BRAF: variants seen among roughly 807,000 people sequenced by gnomAD.
BRAF encodes the protein B-Raf proto-oncogene, serine/threonine kinase, also known as serine/threonine-protein kinase B-raf.
BRAF carries 16 observed loss-of-function variants against 104.6 expected under a neutral mutation model. The observed-to-expected ratio is 0.15, with a 90% CI of 0.10 to 0.23. BRAF has a LOEUF of 0.23. BRAF is among the 10% of genes least tolerant of loss of function. The pLI is 1.00. For synonymous variants in BRAF, 310 were observed against 341.6 expected (o/e 0.91, Z 1.02); for missense variants, 541 against 937.3 (o/e 0.58, Z 5.52).
intron 1 of BRAF, among the ~76,000 whole-genome samples, chr7:140,899,696 G>C (rs757895804): frequency 2.6e-5 from 4 of 151,792 alleles, no homozygotes; most frequent in Non-Finnish European, 5.9e-5. Flanking sequence ...TTGGTGTTCT[G>C]TCTTTGTCTT....
intron 14 of BRAF, among the ~76,000 whole-genome samples, chr7:140,766,045 C>G (rs1048151382): frequency 6.3e-4 from 95 of 151,896 alleles, no homozygotes; most frequent in African/African-American, 2.2e-3. Flanking sequence ...GACTTGGAAC[C>G]AACCCAAATG....
chr7:140,732,526 C>G (rs1015451027), intron 19 of BRAF: 3 of 151,898 alleles, frequency 2.0e-5, no homozygotes, highest in Non-Finnish European at 1.5e-5. Context: ...TCCGGTGGAC[C>G]TAATTTAAAA....
At chr7:140,893,543 C>T (rs1032901884) in intron 1 of BRAF, among the ~76,000 whole-genome samples, 6 of 152,030 alleles carry the variant, frequency 3.9e-5, no homozygotes, top group African/African-American at 1.2e-4. Context: ...GCCACTGTGC[C>T]CAGCCCCCCA....
chr7:140,905,817 G>A (rs541365428), intron 1 of BRAF, among the ~76,000 whole-genome samples: 37 of 152,048 alleles, frequency 2.4e-4, no homozygotes, highest in African/African-American at 4.1e-4. Flanking sequence ...GGCCGGGCGC[G>A]GTGGCTCACG....
At chr7:140,753,472 G>T in intron 15 of BRAF, 79 bp from the exon 15 acceptor site, 1 of 920,202 alleles carries the variant, frequency 1.1e-6, no homozygotes, top group East Asian at 2.5e-5. Flanking sequence ...TTAGGTAAGA[G>T]ATCTAATTTC....
chr7:140,910,861 C>T (rs1816892373), intron 1 of BRAF, among the ~76,000 whole-genome samples: 1 of 151,782 alleles, frequency 6.6e-6, no homozygotes, highest in Non-Finnish European at 1.5e-5. Flanking sequence ...GACAGGGGCT[C>T]GCTATGTTGC....
rs1201774147 is a variant in BRAF, at chr7:140,924,770, C to A, written c.-67G>T. The A allele has an allele frequency of 3.4e-6, 2 of 595,026 alleles. No homozygotes were observed. The highest frequency in any genetic ancestry group is 3.5e-5 in the East Asian group (1 of 28,676). 36.9% of individuals were successfully genotyped at this position (595,026 alleles called of 1,614,324 possible). On this transcript the variant is annotated 5_prime_UTR_variant, in exon 1 of 20. Transcript: ENST00000644969. The surrounding 1 kb of genome is among the most constrained non-coding windows in gnomAD (Gnocchi z 4.2). ...GGGGAGGGGGAAGGGAGGCGGAGAGCTGGGGGAGGCGGAGGCGGAGGCGGA... is the reference window on the plus strand; with the variant it reads ...GGGGAGGGGGAAGGGAGGCGGAGAGATGGGGGAGGCGGAGGCGGAGGCGGA...
chr7:140,808,589 T>C (rs1803901733), intron 4 of BRAF, among the ~76,000 whole-genome samples: 1 of 151,844 alleles, frequency 6.6e-6, no homozygotes, highest in Admixed American at 6.6e-5. Flanking sequence ...GTATTAAAAA[T>C]GGGAGGGGGG....
At chr7:140,735,189 A>C (rs530971035) in intron 18 of BRAF, among the ~76,000 whole-genome samples, 25 of 152,348 alleles carry the variant, frequency 1.6e-4, no homozygotes, top group Non-Finnish European at 3.1e-4. Context: ...GACTATCTCT[A>C]AACAGAATTA....
At chr7:140,849,839 A>G (rs1385499427) in intron 2 of BRAF, among the ~76,000 whole-genome samples, 1 of 151,980 alleles carries the variant, frequency 6.6e-6, no homozygotes, top group African/African-American at 2.4e-5. Flanking sequence ...TAAAATAAAA[A>G]TAAAAATAAA....
chr7:140,796,709 T>C (rs1024248782), intron 7 of BRAF, among the ~76,000 whole-genome samples: 5 of 152,210 alleles, frequency 3.3e-5, no homozygotes, highest in African/African-American at 9.6e-5. Context: ...TCAACTTCTC[T>C]AGCTTTCAGG....
chr7:140,761,025 C>G (rs11765663), intron 14 of BRAF, among the ~76,000 whole-genome samples: 1 of 152,090 alleles, frequency 6.6e-6, no homozygotes, highest in South Asian at 2.1e-4. Context: ...TTCAGATTCA[C>G]GAAATACAGA....
intron 18 of BRAF, among the ~76,000 whole-genome samples, chr7:140,736,243 T>C (rs557545787): frequency 2.0e-5 from 3 of 151,054 alleles, no homozygotes; most frequent in Non-Finnish European, 4.4e-5. Flanking sequence ...GATAATTTTG[T>C]ATTTTTAGTA....
In BRAF at chr7:140,726,340, G is replaced by A. The variant is rs908295709; in HGVS notation, c.*154C>T. ...CTAAAACATTCTTTCCTCTTTTGTTGGATGGGAAATTCCATTCTGTTCCAC... is the reference window on the plus strand; with the variant it reads ...CTAAAACATTCTTTCCTCTTTTGTTAGATGGGAAATTCCATTCTGTTCCAC... On this transcript the variant is annotated 3_prime_UTR_variant, in exon 20 of 20. Transcript: ENST00000644969. 10 of 1,438,382 alleles carry A rather than the reference G, an allele frequency of 7.0e-6. No homozygotes were observed. The African/African-American group carries it at 1.3e-4, about 19-fold the overall frequency. 89.1% of individuals were successfully genotyped at this position (1,438,382 alleles called of 1,614,324 possible). A position where few individuals can be genotyped will look rare whatever the true frequency, so the allele number is the denominator to read the frequency against.
chr7:140,907,617 G>A (rs1206594339), intron 1 of BRAF, among the ~76,000 whole-genome samples: 1 of 151,950 alleles, frequency 6.6e-6, no homozygotes, highest in Admixed American at 6.6e-5. Flanking sequence ...CTGGAGTGCA[G>A]TGTGGCACAA....
chr7:140,743,806 G>C (rs888804904), intron 17 of BRAF, among the ~76,000 whole-genome samples: 3 of 152,030 alleles, frequency 2.0e-5, no homozygotes, highest in African/African-American at 4.8e-5. Context: ...GGGCAACAAA[G>C]AGACATTTCT....
chr7:140,838,208 C>G (rs2535946), intron 2 of BRAF, among the ~76,000 whole-genome samples: 2 of 152,092 alleles, frequency 1.3e-5, no homozygotes, highest in African/African-American at 4.8e-5. Flanking sequence ...CTCTCTTTGT[C>G]AAAATCCAGA....
chr7:140,800,611 T>C, intron 6 of BRAF, 130 bp from the exon 7 acceptor site: 1 of 1,451,366 alleles, frequency 6.9e-7, no homozygotes, highest in East Asian at 2.4e-5. Context: ...TTCAATTAGT[T>C]GTATTTTTGT....
intron 10 of BRAF, chr7:140,783,518 G>A (rs540245232): frequency 4.2e-6 from 1 of 239,004 alleles, no homozygotes; most frequent in Non-Finnish European, 8.1e-6. Context: ...CAAAATAAAT[G>A]TAAAAGCCTA....
Sources: allele counts gnomAD v4.1 joint callset (sites outside exome capture counted in the v4.1 genomes callset), GRCh38; gene constraint gnomAD v4.1.1; non-coding constraint Gnocchi (gnomAD v3.1); transcripts MANE v1.5; gene names NCBI Gene and HGNC (gene_info 2026-07-23, HGNC 2026-07-21).